WDHD1: variants seen among roughly 807,000 people sequenced by gnomAD.
The protein encoded by WDHD1 is WD repeat and HMG-box DNA binding protein 1.
A neutral mutation model predicts 135.4 loss-of-function variants in WDHD1; 111 were observed. The observed-to-expected ratio is 0.82, with a 90% confidence interval of 0.70 to 0.96. The LOEUF is 0.96. Among genes scored for constraint, WDHD1 ranks in the 40% least tolerant of loss-of-function variants. The pLI, the probability that WDHD1 is intolerant of heterozygous loss-of-function variation, is 0.00. For missense variants in WDHD1, 1,351 were observed against 1,336.3 expected (o/e 1.01, Z -0.17); for synonymous variants, 434 against 439.0 (o/e 0.99, Z 0.14).
chr14:55,014,533 G>C (rs1392369928), intron 2 of WDHD1, among the ~76,000 whole-genome samples: 1 of 152,102 alleles, frequency 6.6e-6, no homozygotes, highest in East Asian at 1.9e-4. Flanking sequence ...AATGTTTGTT[G>C]AATTAATAAA....
At chr14:54,965,911 G>A (rs1409335920) in intron 18 of WDHD1, among the ~76,000 whole-genome samples, 2 of 150,478 alleles carry the variant, frequency 1.3e-5, no homozygotes, top group Non-Finnish European at 2.9e-5. Flanking sequence ...AGCCAAGACT[G>A]CACAACTGCA....
At chr14:54,954,800 G>C (rs2041125007) in intron 24 of WDHD1, among the ~76,000 whole-genome samples, 1 of 152,296 alleles carries the variant, frequency 6.6e-6, no homozygotes, top group South Asian at 2.1e-4. Flanking sequence ...TGTGATCTCA[G>C]ATGACTGCAA....
intron 21 of WDHD1, among the ~76,000 whole-genome samples, chr14:54,960,431 G>A (rs1361291615): frequency 2.0e-5 from 3 of 151,844 alleles, no homozygotes; most frequent in Admixed American, 1.3e-4. Flanking sequence ...GCCTCCCAAA[G>A]TGCTGGGATT....
intron 25 of WDHD1, among the ~76,000 whole-genome samples, chr14:54,942,251 A>AAAATAAATAAAT (rs140230532): frequency 5.4e-5 from 8 of 148,994 alleles, no homozygotes; most frequent in African/African-American, 2.0e-4. Flanking sequence ...TCCGTCTCAA[A>AAAATAAATAAAT]AAATAAATAA....
intron 16 of WDHD1, among the ~76,000 whole-genome samples, chr14:54,977,107 T>C (rs981546549): frequency 6.6e-6 from 1 of 151,948 alleles, no homozygotes; most frequent in Non-Finnish European, 1.5e-5. Context: ...TGCCAATAAA[T>C]AGATGTGTAC....
chr14:54,945,104 C>T (rs2040901384), intron 24 of WDHD1, among the ~76,000 whole-genome samples: 2 of 152,166 alleles, frequency 1.3e-5, no homozygotes, highest in Non-Finnish European at 2.9e-5. Context: ...TACCACATGT[C>T]CTTGGTAGGC....
At chr14:54,956,967 G>T (rs1298386102) in intron 23 of WDHD1, 67 bp downstream of exon 23, 7 of 1,541,548 alleles carry the variant, frequency 4.5e-6, no homozygotes, top group Non-Finnish European at 5.3e-6. Context: ...ATCTGAAACA[G>T]TGAACAAAAC....
rs2042111238 is a variant in WDHD1, at chr14:55,008,538, A to G, written c.453+70T>C. 4.7e-6 allele frequency: 7 copies of G among 1,479,644 alleles called. No individual in the cohort carries two copies. The Admixed American group carries it at 1.1e-4, about 23-fold the overall frequency. 91.7% of individuals were successfully genotyped at this position (1,479,644 alleles called of 1,614,324 possible). ...GTTGAGTTAGCAGAAAATTTTTTAG[A>G]GAGTTAGTAGGAAATATATTTTTAA... On this transcript the variant is annotated intron_variant, in intron 5 of 25. Coordinates refer to ENST00000360586, the MANE Select transcript of WDHD1 (RefSeq NM_007086.4).
At chr14:54,998,381 C>T (rs546397487) in intron 10 of WDHD1, among the ~76,000 whole-genome samples, 7 of 152,056 alleles carry the variant, frequency 4.6e-5, no homozygotes, top group Admixed American at 2.0e-4. Flanking sequence ...CCACCGGCCT[C>T]GGCCTCCCAA....
intron 24 of WDHD1, among the ~76,000 whole-genome samples, chr14:54,946,244 G>C (rs1000671565): frequency 6.6e-6 from 1 of 152,220 alleles, no homozygotes; most frequent in African/African-American, 2.4e-5. Context: ...AGAGACGTGA[G>C]TCTCACTATG....
rs187818976 is a variant in WDHD1 at position 54,947,881 on chromosome 14, T to G, written c.3051-3411A>C. ...TGCTGGGATTACAGGCGTGAGCCAC[T>G]GTGCCAGGCCAAAATTGTGACTTTT... On this transcript the variant is annotated intron_variant, in intron 24 of 25. Coordinates refer to ENST00000360586, the MANE Select transcript of WDHD1 (RefSeq NM_007086.4). 5.3e-3 allele frequency among the ~76,000 whole-genome samples: 809 copies of G among 151,724 alleles called. 6 individuals are homozygous for G. The highest frequency in any genetic ancestry group is 0.018 in the African/African-American group (760 of 41,434).
At chr14:55,023,888 ATGGTC>A (rs1011313524) in intron 2 of WDHD1, among the ~76,000 whole-genome samples, 2 of 152,182 alleles carry the variant, frequency 1.3e-5, no homozygotes, top group African/African-American at 2.4e-5. Flanking sequence ...TTGACTGCGG[ATGGTC>A]TGGAAATGTT....
intron 18 of WDHD1, among the ~76,000 whole-genome samples, chr14:54,965,032 C>T (rs1018233364): frequency 2.0e-5 from 3 of 152,220 alleles, no homozygotes; most frequent in Admixed American, 6.5e-5. Context: ...GTAGTGAGTA[C>T]TACCTTTTGG....
At chr14:55,019,489 G>T (rs561156967) in intron 2 of WDHD1, among the ~76,000 whole-genome samples, 1 of 151,990 alleles carries the variant, frequency 6.6e-6, no homozygotes, top group African/African-American at 2.4e-5. Context: ...TTTGATTCAT[G>T]ACTCTTGCTA....
At chr14:54,960,890 C>T (rs2041241036) in intron 21 of WDHD1, among the ~76,000 whole-genome samples, 3 of 152,318 alleles carry the variant, frequency 2.0e-5, no homozygotes, top group Admixed American at 2.0e-4. Flanking sequence ...CCCTCGAACT[C>T]CTGGGCTCAA....
intron 15 of WDHD1, 115 bp downstream of exon 15, chr14:54,984,608 A>T (rs1248218225): frequency 1.1e-6 from 1 of 905,978 alleles, no homozygotes; most frequent in Non-Finnish European, 1.5e-6. Context: ...AAAATATAAA[A>T]TAGAGATAAT....
chr14:54,962,326 C>G (rs780347606), intron 21 of WDHD1, among the ~76,000 whole-genome samples, 172 bp downstream of exon 21: 7 of 152,114 alleles, frequency 4.6e-5, no homozygotes, highest in Non-Finnish European at 8.8e-5. Flanking sequence ...TTATAAACAT[C>G]TGTTAAATGA....
Position 55,004,947 on chromosome 14 carries a change from A to G in WDHD1, c.600+2333T>C, listed in dbSNP as rs958951298. ...CTAAATAGGCACAGAGGGCACCTGC[A>G]CACCATCAGACCAGTCTGCAACCTC... is the stretch of plus-strand genomic sequence containing the variant. On this transcript the variant is annotated intron_variant, in intron 7 of 25. Coordinates refer to ENST00000360586, the MANE Select transcript of WDHD1 (RefSeq NM_007086.4). 9 of 536,872 alleles carry G rather than the reference A, an allele frequency of 1.7e-5. No homozygotes were observed. The African/African-American group carries it at 1.7e-4, about 10-fold the overall frequency. 33.3% of individuals were successfully genotyped at this position (536,872 alleles called of 1,614,324 possible). A position where few individuals can be genotyped will look rare whatever the true frequency, so the allele number is the denominator to read the frequency against.
intron 2 of WDHD1, 85 bp from the exon 3 acceptor site, chr14:55,013,681 G>A (rs1355858404): frequency 2.9e-6 from 3 of 1,036,332 alleles, no homozygotes; most frequent in African/African-American, 3.2e-5. Flanking sequence ...CAAGGTGGGA[G>A]GATTGCTTGA....
Sources: allele counts gnomAD v4.1 joint callset (sites outside exome capture counted in the v4.1 genomes callset), GRCh38; gene constraint gnomAD v4.1.1; transcripts MANE v1.5; gene names NCBI Gene and HGNC (gene_info 2026-07-23, HGNC 2026-07-21).